The following FTO variants were observed in gnomAD, a reference collection of about 807,000 sequenced individuals.
FTO encodes FTO alpha-ketoglutarate dependent dioxygenase.
A neutral mutation model predicts 63.9 loss-of-function variants in FTO; 47 were observed. That is an observed-to-expected ratio of 0.74 (90% CI 0.58 to 0.94). The LOEUF is 0.94. Among genes scored for constraint, FTO ranks in the 40% least tolerant of loss-of-function variants. FTO has a pLI of 0.00. For synonymous variants in FTO, 207 were observed against 224.4 expected (o/e 0.92, Z 0.69); for missense variants, 562 against 618.1 (o/e 0.91, Z 0.96).
rs572713652 is a variant in FTO, at chr16:54,117,609, A to G, written c.*5694A>G. 6.6e-6 allele frequency: 1 copy of G among 152,356 alleles called. No homozygotes were observed. Among genetic ancestry groups the G allele is most frequent in the African/African-American group, 2.4e-5 (1 of 41,588 alleles). The allele number at this position is 152,356 out of a possible 1,614,324, so 9.4% of individuals were successfully genotyped here. A position where few individuals can be genotyped will look rare whatever the true frequency, so the allele number is the denominator to read the frequency against. Reference sequence around the variant, plus strand: ...TGTTCAAGAAGAATATTGTGTCACTATCCCATATATTATCCCATTTGCTCT... The same window carrying G: ...TGTTCAAGAAGAATATTGTGTCACTGTCCCATATATTATCCCATTTGCTCT... On this transcript the variant is annotated 3_prime_UTR_variant, in exon 9 of 9. Transcript: ENST00000471389.
intron 7 of FTO, among the ~76,000 whole-genome samples, chr16:53,895,842 G>A (rs2081266459): frequency 6.6e-6 from 1 of 152,184 alleles, no homozygotes; most frequent in South Asian, 2.1e-4. Flanking sequence ...CAAAGTGACA[G>A]GAGCTAGGAA....
intron 1 of FTO, among the ~76,000 whole-genome samples, chr16:53,747,323 T>C (rs913280204): frequency 1.3e-5 from 2 of 152,146 alleles, no homozygotes; most frequent in African/African-American, 4.8e-5. Context: ...ATTGCAGGGG[T>C]TCCCTTTTCT....
intron 1 of FTO, among the ~76,000 whole-genome samples, chr16:53,787,963 C>G (rs1258969404): frequency 6.6e-6 from 1 of 152,150 alleles, no homozygotes; most frequent in African/African-American, 2.4e-5. Flanking sequence ...CTGTCCTGCT[C>G]AAGTCTCCTT....
chr16:54,028,768 T>C (rs1472093501), intron 8 of FTO, among the ~76,000 whole-genome samples: 1 of 152,160 alleles, frequency 6.6e-6, no homozygotes, highest in African/African-American at 2.4e-5. Context: ...TAATAAATTA[T>C]ACTCTGCATA....
chr16:54,090,641 T>C (rs796524184), intron 8 of FTO, among the ~76,000 whole-genome samples: 28 of 152,314 alleles, frequency 1.8e-4, no homozygotes, highest in African/African-American at 6.7e-4. Flanking sequence ...GATCTCATAA[T>C]ATGGAAAACG....
intron 3 of FTO, among the ~76,000 whole-genome samples, chr16:53,839,788 T>C (rs2079413211): frequency 2.6e-5 from 2 of 76,236 alleles, no homozygotes; most frequent in South Asian, 4.3e-4. Flanking sequence ...TATTTATTTA[T>C]TTATTTATTT....
chr16:54,113,677 C>T lies in FTO; in HGVS notation c.*1762C>T, dbSNP rs2086938628. On this transcript the variant is annotated 3_prime_UTR_variant, in exon 9 of 9. Coordinates refer to ENST00000471389, the MANE Select transcript of FTO (RefSeq NM_001080432.3). ...GTTTAAAAGTCACAGATGGGGCACC[C>T]TCGGGCCATCCAGCCCAGTGTTTTC... The T allele has an allele frequency of 6.6e-6, 1 of 152,152 alleles. No homozygotes were observed. The highest frequency in any genetic ancestry group is 2.1e-4 in the South Asian group (1 of 4,830). The allele number at this position is 152,152 out of a possible 1,614,324, so 9.4% of individuals were successfully genotyped here.
intron 8 of FTO, among the ~76,000 whole-genome samples, chr16:54,073,559 G>A (rs1431579652): frequency 1.3e-5 from 2 of 151,440 alleles, no homozygotes; most frequent in African/African-American, 4.9e-5. Context: ...TGTATTTTGG[G>A]ATTAGGAAAG....
intron 8 of FTO, among the ~76,000 whole-genome samples, chr16:54,003,908 C>T (rs2084131654): frequency 6.6e-6 from 1 of 152,068 alleles, no homozygotes; most frequent in Admixed American, 6.6e-5. Context: ...TTTGTGAGAA[C>T]ATTATATTAC....
chr16:53,955,988 T>A (rs1055343215), intron 8 of FTO, among the ~76,000 whole-genome samples: 8 of 152,074 alleles, frequency 5.3e-5, no homozygotes, highest in African/African-American at 1.2e-4. Flanking sequence ...TACAAAAAAA[T>A]TTTTAAATAA....
chr16:53,849,825 CG>C (rs1380345338), intron 4 of FTO, among the ~76,000 whole-genome samples: 2 of 152,250 alleles, frequency 1.3e-5, no homozygotes, highest in African/African-American at 2.4e-5. Context: ...GACTCTTAAG[CG>C]GGGGCTCCCT....
intron 2 of FTO, among the ~76,000 whole-genome samples, chr16:53,817,377 G>A (rs2078725295): frequency 6.6e-6 from 1 of 152,106 alleles, no homozygotes. Context: ...TTAGTCATCG[G>A]ATGGCTGCCA....
At chr16:53,984,091 G>T (rs1470802643) in intron 8 of FTO, among the ~76,000 whole-genome samples, 1 of 152,078 alleles carries the variant, frequency 6.6e-6, no homozygotes, top group Non-Finnish European at 1.5e-5. Flanking sequence ...CTGTTCTGTG[G>T]CTTAAAACCC....
At chr16:53,711,929 T>C (rs1200276165) in intron 1 of FTO, among the ~76,000 whole-genome samples, 2 of 152,202 alleles carry the variant, frequency 1.3e-5, no homozygotes, top group Non-Finnish European at 2.9e-5. Flanking sequence ...TATTGAGTTA[T>C]AAAAATAATA....
intron 1 of FTO, among the ~76,000 whole-genome samples, chr16:53,768,635 G>T (rs562569050): frequency 6.6e-6 from 1 of 152,150 alleles, no homozygotes; most frequent in Non-Finnish European, 1.5e-5. Flanking sequence ...TGGAGAAATG[G>T]CCTCTGTTTA....
At position 53,924,935 on chromosome 16, in the gene FTO, T is replaced by C. The variant is rs140608915; in HGVS notation, c.1240-9050T>C. ...CACTCAGCATTGAGCCAAAGAGGCC[T>C]CACAAAAGAGCCATCTTAAACTGAC... On this transcript the variant is annotated intron_variant, in intron 7 of 8. Transcript: ENST00000471389. Among the ~76,000 whole-genome samples, 528 of 152,198 alleles carry C rather than the reference T, an allele frequency of 3.5e-3. 6 individuals are homozygous for C. Among genetic ancestry groups the C allele is most frequent in the African/African-American group, 0.012 (480 of 41,524 alleles).
chr16:54,014,457 A>G (rs2084390985), intron 8 of FTO, among the ~76,000 whole-genome samples: 2 of 151,656 alleles, frequency 1.3e-5, no homozygotes, highest in South Asian at 4.2e-4. Context: ...TTTGCCTTCC[A>G]CCATGAGTGG....
At chr16:54,048,152 T>C (rs1481997784) in intron 8 of FTO, among the ~76,000 whole-genome samples, 2 of 124,104 alleles carry the variant, frequency 1.6e-5, no homozygotes, top group Non-Finnish European at 3.3e-5. Flanking sequence ...AGAATTTCCC[T>C]AAGTCAACAA....
intron 1 of FTO, among the ~76,000 whole-genome samples, chr16:53,743,666 G>A (rs2076579590): frequency 6.6e-6 from 1 of 150,754 alleles, no homozygotes; most frequent in Admixed American, 6.6e-5. Flanking sequence ...GAATACTTGT[G>A]TTACTACGCA....
Sources: gnomAD v4.1 joint callset for allele counts (sites outside exome capture counted in the v4.1 genomes callset) on GRCh38, gnomAD v4.1.1 for gene constraint, MANE v1.5 for transcripts, NCBI Gene and HGNC (gene_info 2026-07-23, HGNC 2026-07-21) for gene names.